SP140: variants seen among roughly 807,000 people sequenced by gnomAD.
SP140 encodes the protein SP140 nuclear body protein.
In SP140, 81 loss-of-function variants were observed where a neutral mutation model predicts 125.0. The ratio of observed to expected loss-of-function variants is 0.65; its 90% CI spans 0.54 to 0.78. The LOEUF is 0.78. SP140 is among the 30% of genes least tolerant of loss of function. SP140 has a pLI of 0.00. For missense variants in SP140, 858 were observed against 1,037.0 expected (o/e 0.83, Z 2.37); for synonymous variants, 312 against 354.0 (o/e 0.88, Z 1.33).
intron 12 of SP140, among the ~76,000 whole-genome samples, chr2:230,264,702 T>C (rs1456057000): frequency 6.6e-6 from 1 of 152,210 alleles, no homozygotes; most frequent in Non-Finnish European, 1.5e-5. Context: ...TTTCTATGGA[T>C]GTGGCTTCCT....
intron 1 of SP140, among the ~76,000 whole-genome samples, chr2:230,204,633 A>C (rs2043557319): frequency 6.6e-6 from 1 of 152,100 alleles, no homozygotes; most frequent in African/African-American, 2.4e-5. Context: ...AAAAATTAAT[A>C]GCTAATTTGT....
At chr2:230,286,018 G>T (rs1298913599) in intron 17 of SP140, among the ~76,000 whole-genome samples, 186 bp downstream of exon 17, 1 of 152,194 alleles carries the variant, frequency 6.6e-6, no homozygotes, top group Admixed American at 6.5e-5. Context: ...TCATATCATA[G>T]ATCTTATCTG....
chr2:230,269,311 A>G (rs768654628), intron 12 of SP140, among the ~76,000 whole-genome samples: 3 of 152,246 alleles, frequency 2.0e-5, no homozygotes, highest in African/African-American at 7.2e-5. Context: ...CAGGACTACA[A>G]GTACAAAAAT....
chr2:230,212,678 T>A (rs1476383149), intron 1 of SP140: 2 of 1,547,074 alleles, frequency 1.3e-6, no homozygotes, highest in African/African-American at 1.4e-5. Flanking sequence ...ACAATAAAAG[T>A]CAAGATGCTG....
the SP140 span, among the ~76,000 whole-genome samples, chr2:230,196,941 G>A: frequency 5.3e-5 from 8 of 151,970 alleles, no homozygotes; most frequent in Non-Finnish European, 1.0e-4. Flanking sequence ...CCAGTCTATC[G>A]TTGTTGGACA....
At chr2:230,296,703 C>G (rs562724855) in intron 21 of SP140, among the ~76,000 whole-genome samples, 1 of 152,122 alleles carries the variant, frequency 6.6e-6, no homozygotes, top group Admixed American at 6.5e-5. Context: ...CCTGTGGTCC[C>G]AGGAGGCTGT....
the SP140 span, among the ~76,000 whole-genome samples, chr2:230,189,317 C>T: frequency 3.3e-5 from 5 of 152,004 alleles, no homozygotes; most frequent in African/African-American, 7.2e-5. Context: ...AGGCATTTAG[C>T]GCTATGAACT....
At chr2:230,235,451 T>A (rs1040273055) in intron 1 of SP140, among the ~76,000 whole-genome samples, 9 of 152,234 alleles carry the variant, frequency 5.9e-5, no homozygotes, top group Non-Finnish European at 1.2e-4. Context: ...GAAAAACAGT[T>A]GTCATTAATC....
rs571039177 is a variant in SP140, at chr2:230,225,913, C to T, written c.59+10C>T. 25 of 1,611,420 alleles carry T rather than the reference C, an allele frequency of 1.6e-5. No individual in the cohort carries two copies. Among genetic ancestry groups the T allele is most frequent in the Admixed American group, 3.3e-5 (2 of 59,968 alleles). On this transcript the variant is annotated intron_variant, in intron 1 of 26. Transcript: ENST00000392045. Reference sequence around the variant, plus strand: ...GCAATCTCAACTTCAGGTGGGTCATCGTCTCCTTTCCCGTCTGTCCTTCAT... The same window carrying T: ...GCAATCTCAACTTCAGGTGGGTCATTGTCTCCTTTCCCGTCTGTCCTTCAT...
At chr2:230,232,625 A>G (rs1234675160) in intron 1 of SP140, among the ~76,000 whole-genome samples, 1 of 152,148 alleles carries the variant, frequency 6.6e-6, no homozygotes, top group East Asian at 1.9e-4. Flanking sequence ...TTATTATAGT[A>G]TTATCTTATA....
At chr2:230,279,367 G>GA (rs1005992560) in intron 15 of SP140, among the ~76,000 whole-genome samples, 6 of 151,036 alleles carry the variant, frequency 4.0e-5, no homozygotes, top group South Asian at 4.2e-4. Flanking sequence ...AAGTAATTTT[G>GA]AAAAAAAAGG....
chr2:230,286,962 C>T (rs573790594), intron 17 of SP140, among the ~76,000 whole-genome samples: 2 of 152,252 alleles, frequency 1.3e-5, no homozygotes, highest in South Asian at 4.1e-4. Context: ...GATCAGCACC[C>T]CCAGATGGTG....
chr2:230,212,211 C>A, intron 1 of SP140: 1 of 716,390 alleles, frequency 1.4e-6, no homozygotes, highest in South Asian at 1.5e-5. Context: ...GGTGAATTGG[C>A]CCCTTCTGTT....
downstream of SP140, among the ~76,000 whole-genome samples, chr2:230,315,039 A>G (rs964925226): frequency 6.6e-6 from 1 of 152,262 alleles, no homozygotes; most frequent in Admixed American, 6.5e-5. Context: ...GAAGACAGAC[A>G]TGCATGGATA....
chr2:230,250,467 C>G (rs1206994994), intron 9 of SP140, among the ~76,000 whole-genome samples: 1 of 152,142 alleles, frequency 6.6e-6, no homozygotes, highest in Non-Finnish European at 1.5e-5. Context: ...TGTATTGTTG[C>G]CTTGGCCCAC....
chr2:230,207,997 G>C, intron 1 of SP140: 1 of 1,542,568 alleles, frequency 6.5e-7, no homozygotes, highest in Non-Finnish European at 8.9e-7. Flanking sequence ...TTACCTCCTG[G>C]GAGGCTTTTT....
intron 12 of SP140, among the ~76,000 whole-genome samples, chr2:230,259,771 C>CATATATATACATATATAT (rs2051882791): frequency 1.2e-5 from 1 of 85,898 alleles, no homozygotes; most frequent in Non-Finnish European, 2.6e-5. Context: ...AGTATTCCAT[C>CATATATATACATATATAT]ATATATATAT....
At chr2:230,253,200 T>A (rs916011061) in intron 10 of SP140, 116 bp from the exon 11 acceptor site, 2 of 718,322 alleles carry the variant, frequency 2.8e-6, no homozygotes, top group South Asian at 3.3e-5. Context: ...AAAGAGGAGA[T>A]GTAACAAGAT....
intron 15 of SP140, among the ~76,000 whole-genome samples, chr2:230,271,728 C>A (rs1052874277): frequency 1.3e-5 from 2 of 152,106 alleles, no homozygotes; most frequent in Non-Finnish European, 2.9e-5. Flanking sequence ...GAAAAAGAAT[C>A]AAGTCTTGAT....
Sources: gnomAD v4.1 joint callset for allele counts (sites outside exome capture counted in the v4.1 genomes callset) on GRCh38, gnomAD v4.1.1 for gene constraint, MANE v1.5 for transcripts, NCBI Gene and HGNC (gene_info 2026-07-23, HGNC 2026-07-21) for gene names.